The following CSMD3 variants were observed in gnomAD, a reference collection of about 807,000 sequenced individuals.
The protein encoded by CSMD3 is CUB and Sushi multiple domains 3, also known as CUB and sushi domain-containing protein 3.
Under a neutral mutation model 435.2 loss-of-function variants are expected in CSMD3, and 177 were observed. That is an observed-to-expected ratio of 0.41 (90% CI 0.36 to 0.46). CSMD3 has a LOEUF of 0.46. Ranked by LOEUF, CSMD3 falls within the 20% of genes least tolerant of loss-of-function variation. The pLI is 0.34. For synonymous variants in CSMD3, 1,656 were observed against 1,520.5 expected (o/e 1.09, Z -2.07); for missense variants, 4,265 against 4,504.6 (o/e 0.95, Z 1.52).
At chr8:113,407,892 C>A (rs551557517) in intron 1 of CSMD3, among the ~76,000 whole-genome samples, 2 of 152,026 alleles carry the variant, frequency 1.3e-5, no homozygotes, top group Non-Finnish European at 2.9e-5. Flanking sequence ...TTCTCATGGA[C>A]AAACAGTTAC....
chr8:113,101,254 A>G (rs1342108933), intron 4 of CSMD3, among the ~76,000 whole-genome samples: 1 of 152,002 alleles, frequency 6.6e-6, no homozygotes, highest in Admixed American at 6.6e-5. Flanking sequence ...GTACAGTTTC[A>G]TCTTCTTTCC....
intron 10 of CSMD3, 59 bp from the exon 11 acceptor site, chr8:112,859,325 T>TA: frequency 7.1e-7 from 1 of 1,399,710 alleles, no homozygotes. Flanking sequence ...ATTACAACAA[T>TA]AAAATATCTT....
intron 11 of CSMD3, among the ~76,000 whole-genome samples, chr8:112,849,717 A>G (rs753051046): frequency 9.9e-5 from 15 of 151,952 alleles, no homozygotes; most frequent in Non-Finnish European, 1.9e-4. Flanking sequence ...GATGCATATC[A>G]TTATCTCCCT....
At chr8:113,417,858 T>C (rs918162969) in intron 1 of CSMD3, among the ~76,000 whole-genome samples, 5 of 151,924 alleles carry the variant, frequency 3.3e-5, no homozygotes, top group Admixed American at 2.0e-4. Flanking sequence ...GAGAATATCA[T>C]GGGAGAACTA....
chr8:112,718,951 G>C lies in CSMD3; in HGVS notation c.1973-28901C>G, dbSNP rs1160125384. 2.0e-5 allele frequency among the ~76,000 whole-genome samples: 3 copies of C among 152,032 alleles called. No homozygotes were observed. The East Asian group carries it at 5.8e-4, about 29-fold the overall frequency. On this transcript the variant is annotated intron_variant, in intron 13 of 70. Transcript: ENST00000297405. ...GATTAGTATTGAGCTCTGTGTAAAAGATTTAAAACTGTACACCTGTCAAAT... is the reference window on the plus strand; with the variant it reads ...GATTAGTATTGAGCTCTGTGTAAAACATTTAAAACTGTACACCTGTCAAAT...
intron 10 of CSMD3, among the ~76,000 whole-genome samples, chr8:112,890,592 C>T (rs1174975257): frequency 6.6e-6 from 1 of 151,700 alleles, no homozygotes; most frequent in African/African-American, 2.4e-5. Context: ...GGGAATTCTA[C>T]AGGTCAGCTT....
chr8:112,734,369 G>A (rs2077140200), intron 13 of CSMD3, among the ~76,000 whole-genome samples: 1 of 151,750 alleles, frequency 6.6e-6, no homozygotes. Flanking sequence ...TATGAGTTAA[G>A]GTCATTGTTA....
intron 45 of CSMD3, among the ~76,000 whole-genome samples, chr8:112,323,854 C>A (rs2130888268): frequency 6.6e-6 from 1 of 152,118 alleles, no homozygotes; most frequent in African/African-American, 2.4e-5. Flanking sequence ...ATGCCTCTTT[C>A]ATTAATCACT....
chr8:112,326,243 T>C (rs751837785), intron 45 of CSMD3, among the ~76,000 whole-genome samples: 14 of 152,162 alleles, frequency 9.2e-5, no homozygotes, highest in Non-Finnish European at 1.6e-4. Context: ...TTAAACATTG[T>C]GCAGCTCTGC....
chr8:112,693,096 C>T (rs969240004), intron 13 of CSMD3, among the ~76,000 whole-genome samples: 1 of 152,030 alleles, frequency 6.6e-6, no homozygotes, highest in East Asian at 1.9e-4. Flanking sequence ...GTGTCAGATG[C>T]TGTTCCAGGG....
intron 32 of CSMD3, among the ~76,000 whole-genome samples, chr8:112,409,596 A>G (rs907405092): frequency 5.9e-5 from 9 of 152,012 alleles, no homozygotes; most frequent in Non-Finnish European, 1.2e-4. Context: ...TTTATTGTTA[A>G]TCTTCTGCCA....
At chr8:113,431,389 T>C (rs966516822) in intron 1 of CSMD3, among the ~76,000 whole-genome samples, 1 of 152,236 alleles carries the variant, frequency 6.6e-6, no homozygotes, top group African/African-American at 2.4e-5. Context: ...ATCTTACACA[T>C]TTTTTCTTAA....
At chr8:112,439,648 A>G (rs1814765265) in intron 32 of CSMD3, among the ~76,000 whole-genome samples, 1 of 152,162 alleles carries the variant, frequency 6.6e-6, no homozygotes, top group Non-Finnish European at 1.5e-5. Flanking sequence ...ACAGTTCCTC[A>G]TGGCTGGGGA....
Position 112,939,020 on chromosome 8 carries a change from C to T in CSMD3, c.1508+8770G>A, listed in dbSNP as rs915975643. ...AGTTAAAATATGATATATGTATGTA[C>T]GTGATAACTGATATTATATCACCTC... On this transcript the variant is annotated intron_variant, in intron 9 of 70. Transcript: ENST00000297405. 5.9e-5 allele frequency among the ~76,000 whole-genome samples: 9 copies of T among 151,992 alleles called. No homozygotes were observed. The South Asian group carries it at 1.0e-3, about 18-fold the overall frequency.
At chr8:112,903,495 A>G (rs1260296531) in intron 10 of CSMD3, among the ~76,000 whole-genome samples, 1 of 151,286 alleles carries the variant, frequency 6.6e-6, no homozygotes, top group Non-Finnish European at 1.5e-5. Context: ...AAGGGGGATC[A>G]ACAACCCTGG....
intron 6 of CSMD3, among the ~76,000 whole-genome samples, chr8:112,979,781 G>A (rs1339645889): frequency 1.3e-5 from 2 of 151,218 alleles, no homozygotes; most frequent in Non-Finnish European, 3.0e-5. Flanking sequence ...TATACAAGGT[G>A]TAGCTTATCA....
chr8:113,436,001 C>T (rs2094703799), intron 1 of CSMD3, among the ~76,000 whole-genome samples: 1 of 152,100 alleles, frequency 6.6e-6, no homozygotes, highest in Admixed American at 6.5e-5. Flanking sequence ...CAGCTAATGA[C>T]TTTCCTCCTA....
rs553467140 is a variant in CSMD3, at chr8:112,374,522, A to T, written c.6136+5830T>A. Among the ~76,000 whole-genome samples, 14 of 152,318 alleles carry T rather than the reference A, an allele frequency of 9.2e-5. No homozygotes were observed. The East Asian group carries it at 2.5e-3, about 27-fold the overall frequency. On this transcript the variant is annotated intron_variant, in intron 38 of 70. Transcript: ENST00000297405. Reference sequence around the variant, plus strand: ...TATTTATTAAATTTCTTCAAAAAAGAAAGGTCTTTGTCTACATGGAGAGTT... The same window carrying T: ...TATTTATTAAATTTCTTCAAAAAAGTAAGGTCTTTGTCTACATGGAGAGTT...
At position 112,408,352 on chromosome 8, in the gene CSMD3, T is replaced by C; in HGVS notation, c.5571A>G (p.Pro1857=). Residue 1857 remains proline (P), a synonymous_variant, in exon 34 of 71, where the codon CCA becomes CCG. Transcript: ENST00000297405. The part of the protein sequence containing the change: ...QITIRFTSVG[P]ITAKGFHFVY... Reference sequence around the variant, plus strand: ...CAAAGTGAAATCCCTTAGCTGTTATTGGTCCAACTGAAGTAAATCGAATTG... The same window carrying C: ...CAAAGTGAAATCCCTTAGCTGTTATCGGTCCAACTGAAGTAAATCGAATTG... 2 of 1,611,498 alleles carry C rather than the reference T, an allele frequency of 1.2e-6. No individual in the cohort carries two copies. Among genetic ancestry groups the C allele is most frequent in the Non-Finnish European group, 8.5e-7 (1 of 1,177,990 alleles).
Sources: allele counts gnomAD v4.1 joint callset (sites outside exome capture counted in the v4.1 genomes callset), GRCh38; gene constraint gnomAD v4.1.1; transcripts MANE v1.5; gene names NCBI Gene and HGNC (gene_info 2026-07-23, HGNC 2026-07-21).